The following HEMK2 variants were observed in gnomAD, a reference collection of about 807,000 sequenced individuals.
The protein encoded by HEMK2 is methyltransferase HEMK2.
At chr21:28,614,108 C>T in the HEMK2 span, among the ~76,000 whole-genome samples, 1 of 152,170 alleles carries the variant, frequency 6.6e-6, no homozygotes, top group East Asian at 1.9e-4. Flanking sequence ...CTCTTTTCCT[C>T]CCCCATCTCC....
At chr21:28,659,049 C>G in the HEMK2 span, among the ~76,000 whole-genome samples, 6 of 152,084 alleles carry the variant, frequency 3.9e-5, no homozygotes, top group African/African-American at 1.4e-4. Context: ...ATATTGATTG[C>G]TTTTCTTAGA....
chr21:28,748,079 A>G, the HEMK2 span, among the ~76,000 whole-genome samples: 1 of 152,192 alleles, frequency 6.6e-6, no homozygotes, highest in Non-Finnish European at 1.5e-5. Flanking sequence ...ATGCATGAAC[A>G]TAAAGATGGT....
chr21:28,778,628 T>C, the HEMK2 span, among the ~76,000 whole-genome samples: 1 of 152,328 alleles, frequency 6.6e-6, no homozygotes, highest in South Asian at 2.1e-4. Flanking sequence ...CAGATAGGTA[T>C]GTGCTAGTAT....
chr21:28,849,471 C>T, the HEMK2 span, among the ~76,000 whole-genome samples: 1 of 152,212 alleles, frequency 6.6e-6, no homozygotes, highest in Non-Finnish European at 1.5e-5. Context: ...GCCAGAGTGT[C>T]TTCTCACCTC....
chr21:28,792,274 T>C, the HEMK2 span, among the ~76,000 whole-genome samples: 1 of 152,168 alleles, frequency 6.6e-6, no homozygotes, highest in Admixed American at 6.5e-5. Flanking sequence ...TGTATGAACA[T>C]AGCCTGTTCT....
the HEMK2 span, among the ~76,000 whole-genome samples, chr21:28,645,759 C>T: frequency 6.6e-6 from 1 of 152,102 alleles, no homozygotes; most frequent in Non-Finnish European, 1.5e-5. Flanking sequence ...GGGAGTCTGC[C>T]CCTCTCATCA....
the HEMK2 span, among the ~76,000 whole-genome samples, chr21:28,729,544 A>C: frequency 3.0e-4 from 45 of 151,616 alleles, no homozygotes; most frequent in African/African-American, 1.1e-3. Context: ...AGGGGTGTCC[A>C]ATCTTTTGGC....
At chr21:28,613,137 T>C in the HEMK2 span, among the ~76,000 whole-genome samples, 4 of 152,090 alleles carry the variant, frequency 2.6e-5, no homozygotes, top group East Asian at 1.9e-4. Context: ...TACAGATAGA[T>C]AGATACCTAA....
At chr21:28,608,878 C>T in the HEMK2 span, among the ~76,000 whole-genome samples, 2 of 152,128 alleles carry the variant, frequency 1.3e-5, no homozygotes, top group Non-Finnish European at 2.9e-5. Flanking sequence ...GAACCACACC[C>T]CCATCCCTCA....
At chr21:28,604,208 T>C in the HEMK2 span, among the ~76,000 whole-genome samples, 1 of 152,174 alleles carries the variant, frequency 6.6e-6, no homozygotes, top group East Asian at 1.9e-4. Context: ...TTTTGTCTTT[T>C]TCCTTTAAAA....
At chr21:28,831,462 CGAAAGAAAGAAA>C in the HEMK2 span, among the ~76,000 whole-genome samples, 288 of 23,644 alleles carry the variant, frequency 0.012, 19 homozygotes, top group South Asian at 0.023. Flanking sequence ...AAGAAAAGAA[CGAAAGAAAGAAA>C]GAAAGAAAGA....
chr21:28,634,856 A>C, the HEMK2 span, among the ~76,000 whole-genome samples: 2 of 152,202 alleles, frequency 1.3e-5, no homozygotes, highest in Non-Finnish European at 2.9e-5. Flanking sequence ...TATGTGATGC[A>C]TATGTTAAGT....
the HEMK2 span, among the ~76,000 whole-genome samples, chr21:28,590,291 T>A: frequency 6.6e-6 from 1 of 152,136 alleles, no homozygotes; most frequent in East Asian, 1.9e-4. Context: ...TGGACACCAG[T>A]GTAAGCGTGA....
At chr21:28,587,860 C>T in the HEMK2 span, among the ~76,000 whole-genome samples, 1 of 152,188 alleles carries the variant, frequency 6.6e-6, no homozygotes, top group Non-Finnish European at 1.5e-5. Flanking sequence ...AGAGGTGACT[C>T]ATTTGTTTGC....
chr21:28,723,915 C>A, the HEMK2 span, among the ~76,000 whole-genome samples: 3 of 152,146 alleles, frequency 2.0e-5, no homozygotes, highest in African/African-American at 7.2e-5. Flanking sequence ...TAAAATGCTG[C>A]AACTTTGTGG....
At chr21:28,690,502 T>C in the HEMK2 span, among the ~76,000 whole-genome samples, 20 of 152,190 alleles carry the variant, frequency 1.3e-4, no homozygotes, top group East Asian at 1.5e-3. Context: ...AGAAAATAAA[T>C]TGTGGTTTTT....
At chr21:28,803,135 A>G in the HEMK2 span, among the ~76,000 whole-genome samples, 1 of 152,218 alleles carries the variant, frequency 6.6e-6, no homozygotes, top group Non-Finnish European at 1.5e-5. Flanking sequence ...TGTCATTCCC[A>G]AAGGGAAGCA....
the HEMK2 span, among the ~76,000 whole-genome samples, chr21:28,695,666 C>T: frequency 3.9e-5 from 6 of 152,054 alleles, no homozygotes; most frequent in South Asian, 2.1e-4. Flanking sequence ...TTACAATTCA[C>T]GGTGAGATTT....
the HEMK2 span, among the ~76,000 whole-genome samples, chr21:28,868,345 T>C: frequency 6.6e-6 from 1 of 152,208 alleles, no homozygotes; most frequent in South Asian, 2.1e-4. Flanking sequence ...TGAATCTTCC[T>C]AGTCATAAAC....
Sources: allele counts gnomAD v4.1 joint callset (sites outside exome capture counted in the v4.1 genomes callset), GRCh38; gene constraint gnomAD v4.1.1; transcripts MANE v1.5; gene names NCBI Gene and HGNC (gene_info 2026-07-23, HGNC 2026-07-21).